CDK6: variants seen among roughly 807,000 people sequenced by gnomAD.
CDK6 encodes the protein cyclin dependent kinase 6.
CDK6 carries 6 observed loss-of-function variants against 37.1 expected under a neutral mutation model. That is an observed-to-expected ratio of 0.16 (90% CI 0.09 to 0.32). The LOEUF (loss-of-function observed/expected upper bound fraction) is 0.32, where lower values mean the gene tolerates loss of function less well. Ranked by LOEUF, CDK6 falls within the 10% of genes least tolerant of loss-of-function variation. The pLI, the probability that CDK6 is intolerant of heterozygous loss-of-function variation, is 1.00. For synonymous variants in CDK6, 160 were observed against 161.3 expected, an observed-to-expected ratio of 0.99 and a Z score of 0.06; for missense variants, 224 against 418.9, an observed-to-expected ratio of 0.53 and a Z score of 4.06.
chr7:92,818,072 T>C (rs1277400415), intron 2 of CDK6, among the ~76,000 whole-genome samples: 3 of 151,936 alleles, frequency 2.0e-5, no homozygotes, highest in Non-Finnish European at 2.9e-5. Context: ...TTAAATGCTA[T>C]CCCAATAGGA....
chr7:92,780,904 T>A lies in CDK6; in HGVS notation c.234-6073A>T, dbSNP rs1213576625. Among the ~76,000 whole-genome samples the A allele has an allele frequency of 2.0e-5, 3 of 152,168 alleles. No homozygotes were observed. The East Asian group carries it at 5.8e-4, about 29-fold the overall frequency. ...TTTTAAGACTTTCTAAAACCTTTTT[T>A]TAAAAATTTTTGCTAATCTGTAACC... On this transcript the variant is annotated intron_variant, in intron 2 of 7. Transcript: ENST00000424848.
intron 4 of CDK6, 94 bp from the exon 5 acceptor site, chr7:92,671,629 C>A: frequency 1.7e-6 from 1 of 591,912 alleles, no homozygotes; most frequent in Non-Finnish European, 2.9e-6. Flanking sequence ...AGATGTAGTT[C>A]AGAAAGAACT....
chr7:92,627,369 TA>T (rs1469287311), intron 5 of CDK6, among the ~76,000 whole-genome samples: 4 of 152,080 alleles, frequency 2.6e-5, no homozygotes, highest in African/African-American at 9.7e-5. Flanking sequence ...TCCTAATTCC[TA>T]AGGTGATGGC....
intron 4 of CDK6, among the ~76,000 whole-genome samples, chr7:92,680,435 GA>G (rs778849907): frequency 0.049 from 1,360 of 27,896 alleles, 1 homozygote; most frequent in East Asian, 0.19. Flanking sequence ...TTCCATCTCA[GA>G]AAAAAAAAAA....
At chr7:92,752,623 T>A (rs1209830935) in intron 3 of CDK6, among the ~76,000 whole-genome samples, 3 of 152,228 alleles carry the variant, frequency 2.0e-5, no homozygotes, top group Admixed American at 6.5e-5. Context: ...AAATACGCCA[T>A]TTTATAAAAT....
chr7:92,824,051 A>C (rs970597390), intron 2 of CDK6, among the ~76,000 whole-genome samples: 2 of 152,060 alleles, frequency 1.3e-5, no homozygotes, highest in Non-Finnish European at 2.9e-5. Context: ...TAAAAATAAA[A>C]GTATTTTAGG....
At chr7:92,698,726 C>T (rs1296524394) in intron 4 of CDK6, among the ~76,000 whole-genome samples, 5 of 152,152 alleles carry the variant, frequency 3.3e-5, no homozygotes, top group African/African-American at 9.7e-5. Context: ...CCATTGTTCC[C>T]AGAGTCTGTC....
At chr7:92,625,227 C>A (rs542437406) in intron 5 of CDK6, among the ~76,000 whole-genome samples, 1 of 149,064 alleles carries the variant, frequency 6.7e-6, no homozygotes, top group South Asian at 2.1e-4. Context: ...TAAACACACA[C>A]ACACACACAC....
At chr7:92,829,254 GTTTT>G in intron 2 of CDK6, among the ~76,000 whole-genome samples, 1 of 152,126 alleles carries the variant, frequency 6.6e-6, no homozygotes, top group Middle Eastern at 3.4e-3. Context: ...TTTTCTTTGG[GTTTT>G]TTGTTTTGTT....
intron 3 of CDK6, among the ~76,000 whole-genome samples, chr7:92,731,717 G>A (rs1023317332): frequency 3.6e-4 from 55 of 151,760 alleles, no homozygotes; most frequent in African/African-American, 1.2e-3. Context: ...TGATAATGCT[G>A]AGAAGGTAAA....
intron 5 of CDK6, among the ~76,000 whole-genome samples, chr7:92,650,274 G>A (rs971961868): frequency 6.6e-6 from 1 of 152,164 alleles, no homozygotes; most frequent in African/African-American, 2.4e-5. Flanking sequence ...TGTGAGTGGA[G>A]TGCAGAGAAT....
chr7:92,824,115 G>T (rs943994659), intron 2 of CDK6, among the ~76,000 whole-genome samples: 2 of 149,110 alleles, frequency 1.3e-5, no homozygotes, highest in Admixed American at 6.7e-5. Flanking sequence ...GAAATTATGA[G>T]ATTACTTTGC....
At chr7:92,628,750 C>T (rs1014300409) in intron 5 of CDK6, among the ~76,000 whole-genome samples, 8 of 152,052 alleles carry the variant, frequency 5.3e-5, no homozygotes, top group African/African-American at 1.7e-4. Context: ...TTTAATCTGC[C>T]TGTGGCACCA....
chr7:92,745,017 TG>T (rs1799025956), intron 3 of CDK6, among the ~76,000 whole-genome samples: 1 of 152,192 alleles, frequency 6.6e-6, no homozygotes, highest in South Asian at 2.1e-4. Flanking sequence ...TGCAATGTGA[TG>T]TTTTGATAAA....
At chr7:92,827,893 G>A (rs1801367773) in intron 2 of CDK6, among the ~76,000 whole-genome samples, 1 of 152,124 alleles carries the variant, frequency 6.6e-6, no homozygotes, top group South Asian at 2.1e-4. Flanking sequence ...AGAAGGCATG[G>A]AAAACACATA....
At chr7:92,642,796 A>ATC (rs1796342564) in intron 5 of CDK6, among the ~76,000 whole-genome samples, 1 of 152,052 alleles carries the variant, frequency 6.6e-6, no homozygotes, top group African/African-American at 2.4e-5. Flanking sequence ...AGACAACTAG[A>ATC]TGCTCCAAAG....
rs374636278 is a variant in CDK6, at chr7:92,618,034, G to A, written c.834+38C>T. 100 of 1,607,234 alleles carry A rather than the reference G, an allele frequency of 6.2e-5. 1 individual carries two copies. Among genetic ancestry groups the A allele is most frequent in the Middle Eastern group, 3.3e-4 (2 of 6,056 alleles). ...GTCTGGGTAGAGCAGGTGTCTCACT[G>A]GCACAGTGCAGACGAGCTTGACATC... On this transcript the variant is annotated intron_variant, in intron 7 of 7. Transcript: ENST00000424848.
chr7:92,650,981 C>T (rs1796560598), intron 5 of CDK6, among the ~76,000 whole-genome samples: 1 of 152,060 alleles, frequency 6.6e-6, no homozygotes, highest in African/African-American at 2.4e-5. Context: ...CCTCTGCCTC[C>T]CAGGTTCAAG....
chr7:92,710,106 G>C (rs957784637), intron 4 of CDK6, among the ~76,000 whole-genome samples: 53 of 152,222 alleles, frequency 3.5e-4, no homozygotes, highest in Non-Finnish European at 1.2e-4. Flanking sequence ...ACTAATGAAG[G>C]GCCTGTACAT....
Sources: allele counts gnomAD v4.1 joint callset (sites outside exome capture counted in the v4.1 genomes callset), GRCh38; gene constraint gnomAD v4.1.1; transcripts MANE v1.5; gene names NCBI Gene and HGNC (gene_info 2026-07-23, HGNC 2026-07-21).